Variants in GOLM2 observed in about 807,000 individuals in gnomAD.
GOLM2 encodes protein GOLM2.
A neutral mutation model predicts 55.9 loss-of-function variants in GOLM2; 26 were observed. That is an observed-to-expected ratio of 0.47 (90% CI 0.34 to 0.65). The LOEUF (loss-of-function observed/expected upper bound fraction) is 0.65. Among genes scored for constraint, GOLM2 ranks in the 30% least tolerant of loss-of-function variants. The probability of loss-of-function intolerance (pLI) is 0.01; values close to 1 mark genes in which losing one functional copy is unlikely to be tolerated. For missense variants in GOLM2, 486 were observed against 531.8 expected (o/e 0.91, Z 0.85); for synonymous variants, 165 against 194.6 (o/e 0.85, Z 1.27).
At chr15:44,296,711 C>CCTAG (rs2078759026) in intron 1 of GOLM2, among the ~76,000 whole-genome samples, 2 of 152,148 alleles carry the variant, frequency 1.3e-5, no homozygotes, top group South Asian at 4.1e-4. Flanking sequence ...TGGTCCCAGC[C>CCTAG]CTAGCCTACC....
chr15:44,412,550 G>A (rs2079645523), intron 9 of GOLM2, among the ~76,000 whole-genome samples: 1 of 151,990 alleles, frequency 6.6e-6, no homozygotes, highest in African/African-American at 2.4e-5. Flanking sequence ...GGGATTATGA[G>A]TGACTTTTAT....
intron 9 of GOLM2, among the ~76,000 whole-genome samples, chr15:44,410,903 CAAA>C (rs35934853): frequency 5.3e-5 from 3 of 56,306 alleles, no homozygotes; most frequent in African/African-American, 6.7e-5. Context: ...GACCCTGTAT[CAAA>C]AAAAAAAAAA....
chr15:44,355,916 A>AT (rs1034350539), intron 6 of GOLM2, among the ~76,000 whole-genome samples: 1 of 152,224 alleles, frequency 6.6e-6, no homozygotes, highest in African/African-American at 2.4e-5. Flanking sequence ...ATAAAATAAA[A>AT]TAATAGAAAG....
chr15:44,401,618 T>A (rs2079565798), intron 8 of GOLM2, among the ~76,000 whole-genome samples: 1 of 152,190 alleles, frequency 6.6e-6, no homozygotes, highest in African/African-American at 2.4e-5. Context: ...GTTAAATTTC[T>A]AAGTCTTAAA....
intron 9 of GOLM2, chr15:44,405,288 T>A (rs969547652): frequency 2.0e-5 from 3 of 152,176 alleles, no homozygotes; most frequent in African/African-American, 7.2e-5. Flanking sequence ...GAAGGGGCTG[T>A]TACATTTTTG....
intron 1 of GOLM2, among the ~76,000 whole-genome samples, chr15:44,321,920 A>G (rs1026134929): frequency 1.3e-5 from 2 of 152,022 alleles, no homozygotes; most frequent in Non-Finnish European, 1.5e-5. Context: ...TTAACTGGGT[A>G]TTATGATACA....
At chr15:44,405,692 C>G (rs1332136779) in intron 9 of GOLM2, among the ~76,000 whole-genome samples, 2 of 152,036 alleles carry the variant, frequency 1.3e-5, no homozygotes, top group African/African-American at 2.4e-5. Context: ...GCGATCTCAG[C>G]TCACTGCAAC....
chr15:44,329,888 T>G (rs1348458949), intron 3 of GOLM2, among the ~76,000 whole-genome samples: 1 of 148,634 alleles, frequency 6.7e-6, no homozygotes, highest in Non-Finnish European at 1.5e-5. Flanking sequence ...GGCAACAGGG[T>G]GAGAACTTGT....
intron 4 of GOLM2, 79 bp downstream of exon 4, chr15:44,332,157 G>A (rs1292857844): frequency 2.6e-6 from 2 of 774,784 alleles, no homozygotes; most frequent in African/African-American, 1.8e-5. Context: ...TTATAATTTT[G>A]TCACAAAACA....
chr15:44,313,077 T>TC (rs921246728), intron 1 of GOLM2, among the ~76,000 whole-genome samples: 6 of 145,584 alleles, frequency 4.1e-5, no homozygotes, highest in African/African-American at 1.5e-4. Context: ...AGACTCCATC[T>TC]CAAAAAAAAA....
chr15:44,391,432 G>A (rs906746478), intron 8 of GOLM2, among the ~76,000 whole-genome samples: 4 of 151,786 alleles, frequency 2.6e-5, no homozygotes, highest in Non-Finnish European at 5.9e-5. Context: ...CAGGAGAATG[G>A]CGTGAACCCG....
In GOLM2 at chr15:44,413,677, A is replaced by C; in HGVS notation, c.*271A>C. 3.1e-6 allele frequency: 1 copy of C among 319,296 alleles called. No homozygotes were observed. The highest frequency in any genetic ancestry group is 5.8e-6 in the Non-Finnish European group (1 of 173,896). The allele number at this position is 319,296 out of a possible 1,614,324, so 19.8% of individuals were successfully genotyped here. A position where few individuals can be genotyped will look rare whatever the true frequency, so the allele number is the denominator to read the frequency against. On this transcript the variant is annotated 3_prime_UTR_variant, in exon 10 of 10. Coordinates refer to ENST00000299957, the MANE Select transcript of GOLM2 (RefSeq NM_138423.4). ...TCTAAAGCAAACTAATGTATATTTCACATTTTATTGAGCCGACTTATTTCC... is the reference window on the plus strand; with the variant it reads ...TCTAAAGCAAACTAATGTATATTTCCCATTTTATTGAGCCGACTTATTTCC...
chr15:44,325,774 T>C (rs1050540843), intron 2 of GOLM2, among the ~76,000 whole-genome samples: 5 of 152,232 alleles, frequency 3.3e-5, no homozygotes, highest in Admixed American at 2.6e-4. Context: ...TCATTGTCTC[T>C]ATAGAATCAG....
intron 8 of GOLM2, among the ~76,000 whole-genome samples, chr15:44,400,047 T>C (rs1399051727): frequency 6.6e-6 from 1 of 151,912 alleles, no homozygotes; most frequent in East Asian, 1.9e-4. Context: ...ATTGACATCA[T>C]TTATTTTATT....
At chr15:44,301,971 A>C (rs2078801587) in intron 1 of GOLM2, among the ~76,000 whole-genome samples, 1 of 151,588 alleles carries the variant, frequency 6.6e-6, no homozygotes, top group Non-Finnish European at 1.5e-5. Flanking sequence ...CAGGCTGGGC[A>C]ACAGAGTGAG....
intron 2 of GOLM2, 85 bp downstream of exon 2, chr15:44,323,104 C>T (rs2078961985): frequency 2.3e-6 from 2 of 863,380 alleles, no homozygotes; most frequent in Admixed American, 2.8e-5. Context: ...GTAAATTAGC[C>T]TAGTGAAATA....
chr15:44,379,231 C>T (rs2079385183), intron 6 of GOLM2, among the ~76,000 whole-genome samples: 5 of 152,108 alleles, frequency 3.3e-5, no homozygotes, highest in Non-Finnish European at 7.3e-5. Context: ...AATCCCAGCA[C>T]TTTGGGAGGC....
intron 8 of GOLM2, among the ~76,000 whole-genome samples, chr15:44,392,669 A>C (rs2079499389): frequency 6.6e-6 from 1 of 152,108 alleles, no homozygotes; most frequent in African/African-American, 2.4e-5. Flanking sequence ...AGTCAAATCC[A>C]GAGATAGATA....
chr15:44,379,678 T>TTTTTC lies in GOLM2; in HGVS notation c.803-9_803-5dup, dbSNP rs781742989. Reference sequence around the variant, plus strand: ...CAATGGGAATAATATGGATTTATTTTTTTTCTTCTAGCTTTAAGGAAGCCT... The same window carrying TTTTTC: ...CAATGGGAATAATATGGATTTATTTTTTTTCTTTTCTTCTAGCTTTAAGGAAGCCT... On this transcript the variant is annotated splice_polypyrimidine_tract_variant and intron_variant, in intron 6 of 9. Transcript: ENST00000299957. The TTTTTC allele has an allele frequency of 6.8e-7, 1 of 1,476,162 alleles. No individual in the cohort carries two copies. Among genetic ancestry groups the TTTTTC allele is most frequent in the African/African-American group, 1.4e-5 (1 of 71,528 alleles). The allele number at this position is 1,476,162 out of a possible 1,614,324, so 91.4% of individuals were successfully genotyped here.
Sources: gnomAD v4.1 joint callset for allele counts (sites outside exome capture counted in the v4.1 genomes callset) on GRCh38, gnomAD v4.1.1 for gene constraint, MANE v1.5 for transcripts, NCBI Gene and HGNC (gene_info 2026-07-23, HGNC 2026-07-21) for gene names.